GPC6: variants seen among roughly 807,000 people sequenced by gnomAD.
The protein encoded by GPC6 is glypican-6.
A neutral mutation model predicts 55.2 loss-of-function variants in GPC6; 14 were observed. The ratio of observed to expected loss-of-function variants is 0.25; its 90% CI spans 0.17 to 0.40. The LOEUF (loss-of-function observed/expected upper bound fraction) is 0.40. Ranked by LOEUF, GPC6 falls within the 10% of genes least tolerant of loss-of-function variation. The pLI, the probability that GPC6 is intolerant of heterozygous loss-of-function variation, is 1.00. For missense variants in GPC6, 641 were observed against 708.5 expected (o/e 0.90, Z 1.08); for synonymous variants, 278 against 259.6 (o/e 1.07, Z -0.68).
intron 4 of GPC6, among the ~76,000 whole-genome samples, chr13:94,269,644 G>A (rs971616251): frequency 1.3e-5 from 2 of 151,986 alleles, no homozygotes; most frequent in South Asian, 4.2e-4. Context: ...GACCACCTGC[G>A]TCTTTCACTC....
intron 3 of GPC6, among the ~76,000 whole-genome samples, chr13:93,927,718 TAAC>T (rs1174242127): frequency 1.3e-5 from 2 of 151,232 alleles, no homozygotes; most frequent in Admixed American, 6.6e-5. Flanking sequence ...TGGTGCATGA[TAAC>T]AACATTATAT....
At chr13:93,541,970 G>T (rs1290888904) in intron 1 of GPC6, among the ~76,000 whole-genome samples, 1 of 152,046 alleles carries the variant, frequency 6.6e-6, no homozygotes, top group East Asian at 1.9e-4. Flanking sequence ...CCATCTTGTA[G>T]GTTGCCTGTT....
intron 4 of GPC6, among the ~76,000 whole-genome samples, chr13:94,155,642 G>C (rs1288456561): frequency 6.6e-6 from 1 of 152,162 alleles, no homozygotes; most frequent in Non-Finnish European, 1.5e-5. Context: ...CAGGAGAACT[G>C]ACCTAATCTG....
At chr13:93,303,802 G>C (rs373241642) in intron 1 of GPC6, among the ~76,000 whole-genome samples, 5 of 151,746 alleles carry the variant, frequency 3.3e-5, no homozygotes, top group Non-Finnish European at 5.9e-5. Context: ...GCAAGGCAGC[G>C]TCCATAGAGT....
chr13:93,788,040 C>T (rs1885870105), intron 2 of GPC6, among the ~76,000 whole-genome samples: 1 of 152,164 alleles, frequency 6.6e-6, no homozygotes, highest in Non-Finnish European at 1.5e-5. Flanking sequence ...TAGTAAGTAA[C>T]AATGGAGTGT....
chr13:93,954,349 C>G (rs554128470), intron 3 of GPC6, among the ~76,000 whole-genome samples: 2 of 152,204 alleles, frequency 1.3e-5, no homozygotes, highest in Admixed American at 1.3e-4. Flanking sequence ...AAGGTCTCAT[C>G]TGTTATGCAG....
chr13:93,657,576 G>A (rs917555515), intron 2 of GPC6, among the ~76,000 whole-genome samples: 7 of 152,056 alleles, frequency 4.6e-5, no homozygotes, highest in African/African-American at 4.8e-5. Context: ...AAAAGCAATG[G>A]CAACAAAAAC....
intron 1 of GPC6, among the ~76,000 whole-genome samples, chr13:93,320,335 T>C (rs1172504824): frequency 6.6e-6 from 1 of 152,040 alleles, no homozygotes; most frequent in Non-Finnish European, 1.5e-5. Context: ...TTAACTACAT[T>C]TTAAAGTGAT....
chr13:93,692,621 C>T (rs1482671149), intron 2 of GPC6, among the ~76,000 whole-genome samples: 3 of 151,966 alleles, frequency 2.0e-5, no homozygotes, highest in Non-Finnish European at 4.4e-5. Flanking sequence ...TTTCCTTCTA[C>T]CATCTTAAAT....
chr13:94,202,682 G>C (rs554672778), intron 4 of GPC6, among the ~76,000 whole-genome samples: 1 of 152,310 alleles, frequency 6.6e-6, no homozygotes, highest in South Asian at 2.1e-4. Context: ...GGGTTGTTTA[G>C]ATAAGGTAAT....
intron 3 of GPC6, among the ~76,000 whole-genome samples, chr13:93,950,355 G>A (rs1879199020): frequency 6.6e-6 from 1 of 152,100 alleles, no homozygotes. Context: ...AGGAGAAAGG[G>A]TACCTATTAC....
At chr13:94,138,419 G>A (rs1270627370) in intron 4 of GPC6, among the ~76,000 whole-genome samples, 1 of 152,016 alleles carries the variant, frequency 6.6e-6, no homozygotes, top group African/African-American at 2.4e-5. Context: ...TCCTGTAATC[G>A]TTCCAGTCGT....
chr13:93,675,784 T>C (rs1267143446), intron 2 of GPC6, among the ~76,000 whole-genome samples: 2 of 152,072 alleles, frequency 1.3e-5, no homozygotes, highest in Non-Finnish European at 2.9e-5. Context: ...TAACCAAAAC[T>C]AGAGATAGAG....
At chr13:93,425,948 G>A (rs80243113) in intron 1 of GPC6, among the ~76,000 whole-genome samples, 125 of 152,108 alleles carry the variant, frequency 8.2e-4, no homozygotes, top group African/African-American at 2.6e-3. Flanking sequence ...TTCTCCTCCC[G>A]CCAAATGACT....
chr13:94,322,009 C>T (rs1161322787), intron 6 of GPC6, among the ~76,000 whole-genome samples: 1 of 152,162 alleles, frequency 6.6e-6, no homozygotes, highest in African/African-American at 2.4e-5. Context: ...CTCCTTCGTA[C>T]ATTACTTACC....
intron 2 of GPC6, among the ~76,000 whole-genome samples, chr13:93,774,511 A>G (rs1389480340): frequency 2.6e-5 from 4 of 152,168 alleles, no homozygotes; most frequent in East Asian, 1.9e-4. Context: ...AATCCTAGAC[A>G]CTAATGACAC....
At chr13:93,228,138 C>A (rs1594039589) in intron 1 of GPC6, among the ~76,000 whole-genome samples, 1 of 152,134 alleles carries the variant, frequency 6.6e-6, no homozygotes. Flanking sequence ...GTCCTTCGGG[C>A]GACAGAGCGC....
intron 2 of GPC6, among the ~76,000 whole-genome samples, chr13:93,741,186 C>G (rs1263554626): frequency 7.8e-6 from 1 of 127,750 alleles, no homozygotes; most frequent in Non-Finnish European, 1.6e-5. Flanking sequence ...TGCATCTGGG[C>G]TCACTGCAAG....
intron 3 of GPC6, among the ~76,000 whole-genome samples, chr13:93,871,702 A>AT (rs1294511340): frequency 1.3e-5 from 2 of 151,948 alleles, no homozygotes; most frequent in African/African-American, 4.8e-5. Flanking sequence ...AGTTTATAGT[A>AT]TTTTTCCCTT....
Sources: allele counts gnomAD v4.1 joint callset (sites outside exome capture counted in the v4.1 genomes callset), GRCh38; gene constraint gnomAD v4.1.1; transcripts MANE v1.5; gene names NCBI Gene and HGNC (gene_info 2026-07-23, HGNC 2026-07-21).